The following ZWILCH variants were observed in gnomAD, a reference collection of about 807,000 sequenced individuals.
ZWILCH encodes zwilch kinetochore protein, also known as protein zwilch homolog.
Under a neutral mutation model 79.9 loss-of-function variants are expected in ZWILCH, and 74 were observed. The observed-to-expected ratio is 0.93, with a 90% confidence interval of 0.77 to 1.12. The LOEUF is 1.12. Among genes scored for constraint, ZWILCH ranks in the 50% most tolerant of loss-of-function variants. The pLI is 0.00. For missense variants in ZWILCH, 694 were observed against 687.5 expected, an observed-to-expected ratio of 1.01 and a Z score of -0.11; for synonymous variants, 241 against 228.2, an observed-to-expected ratio of 1.06 and a Z score of -0.51.
At chr15:66,521,620 T>C (rs1405962157) in intron 7 of ZWILCH, among the ~76,000 whole-genome samples, 1 of 152,078 alleles carries the variant, frequency 6.6e-6, no homozygotes, top group African/African-American at 2.4e-5. Context: ...CTCAGCCTCC[T>C]GAGTAGCTAG....
At chr15:66,535,521 T>C (rs1348457124) in intron 14 of ZWILCH, among the ~76,000 whole-genome samples, 2 of 151,872 alleles carry the variant, frequency 1.3e-5, no homozygotes, top group Non-Finnish European at 2.9e-5. Flanking sequence ...AATAAAAATA[T>C]GAAAATTAGC....
chr15:66,522,596 C>A (rs1894537660), intron 7 of ZWILCH, among the ~76,000 whole-genome samples: 1 of 151,918 alleles, frequency 6.6e-6, no homozygotes, highest in African/African-American at 2.4e-5. Flanking sequence ...GCATGAGCCA[C>A]CACACCTGGC....
At position 66,532,344 on chromosome 15, in the gene ZWILCH, A is replaced by G. The variant is rs1894880170; in HGVS notation, c.1253A>G (p.Gln418Arg). 6.2e-7 allele frequency: 1 copy of G among 1,612,312 alleles called. No homozygotes were observed. Among genetic ancestry groups the G allele is most frequent in the South Asian group, 1.1e-5 (1 of 90,810 alleles). The change falls in exon 13 of 19, where the codon CAA (glutamine) becomes CGA (arginine). Residue 418 changes from glutamine (Q) to arginine (R), a missense_variant. Transcript: ENST00000307897. ...TCTCTCAGTGGGACTATTCCAGTTC[A>G]AATGCTTTTGGAAATTGGTTTGGAC... Reference protein sequence around the residue: ...TVSLSGTIPVQMLLEIGLDKL... With the variant: ...TVSLSGTIPVRMLLEIGLDKL...
intron 1 of ZWILCH, among the ~76,000 whole-genome samples, chr15:66,507,591 A>G (rs980968756): frequency 6.6e-6 from 1 of 152,170 alleles, no homozygotes; most frequent in Non-Finnish European, 1.5e-5. Context: ...CTCTCTGAGC[A>G]CTTACCACCA....
intron 4 of ZWILCH, 67 bp from the exon 5 acceptor site, chr15:66,518,812 C>A: frequency 1.4e-6 from 2 of 1,467,248 alleles, no homozygotes; most frequent in Non-Finnish European, 1.9e-6. Context: ...CCCTGTCTCT[C>A]AGAAATTAAA....
rs189381637 is a variant in ZWILCH, at chr15:66,545,715, T to A, written c.1688-876T>A. Among the ~76,000 whole-genome samples, 253 of 152,362 alleles carry A rather than the reference T, an allele frequency of 1.7e-3. 2 individuals carry two copies. The highest frequency in any genetic ancestry group is 5.9e-3 in the African/African-American group (247 of 41,590). On this transcript the variant is annotated intron_variant, in intron 17 of 18. Transcript: ENST00000307897. ...TTTGTCTAGAAATTATTCAGTGTCT[T>A]TTATCCCCAAAGCAAGACCCATTTT...
At chr15:66,505,543 G>A in intron 1 of ZWILCH, 152 bp downstream of exon 1, 1 of 835,112 alleles carries the variant, frequency 1.2e-6, no homozygotes, top group Non-Finnish European at 1.9e-6. Flanking sequence ...CCGGTTCTCG[G>A]CTCCGGTGTG....
intron 8 of ZWILCH, among the ~76,000 whole-genome samples, chr15:66,526,141 C>A (rs1462698759): frequency 2.6e-5 from 4 of 152,134 alleles, no homozygotes; most frequent in Non-Finnish European, 5.9e-5. Context: ...TGTATTTTCT[C>A]TTTCCTAGGA....
chr15:66,521,346 A>G, intron 7 of ZWILCH, 141 bp downstream of exon 7: 1 of 923,808 alleles, frequency 1.1e-6, no homozygotes, highest in Non-Finnish European at 1.6e-6. Context: ...CCACCTTGCC[A>G]CTAACGTCTC....
At chr15:66,525,716 C>T (rs1041425213) in intron 8 of ZWILCH, among the ~76,000 whole-genome samples, 7 of 151,334 alleles carry the variant, frequency 4.6e-5, no homozygotes, top group Non-Finnish European at 7.4e-5. Flanking sequence ...CGCCTATGCT[C>T]CTAATCATTT....
chr15:66,518,941 T>A lies in ZWILCH; in HGVS notation c.383T>A (p.Leu128Gln), dbSNP rs746888973. The A allele has an allele frequency of 1.9e-6, 3 of 1,614,236 alleles. No individual in the cohort carries two copies. Among genetic ancestry groups the A allele is most frequent in the Non-Finnish European group, 2.5e-6 (3 of 1,180,030 alleles). Reference sequence around the variant, plus strand: ...AATATGACCCATTTGAAGATTAATCTGCCAGTTACTGCCCTTCCTCCCCTT... The same window carrying A: ...AATATGACCCATTTGAAGATTAATCAGCCAGTTACTGCCCTTCCTCCCCTT... The part of the protein sequence containing the change: ...NPNMTHLKIN[L>Q]PVTALPPLWV... Residue 128 changes from leucine to glutamine, a missense_variant, in exon 5 of 19, where the codon CTG becomes CAG. Leu to Gln is a moderately radical substitution (Grantham distance 113, BLOSUM62 -2). Coordinates refer to ENST00000307897, the MANE Select transcript of ZWILCH (RefSeq NM_017975.5).
At chr15:66,546,540 A>G (rs766327466) in intron 17 of ZWILCH, 51 bp from the exon 18 acceptor site, 1 of 1,289,336 alleles carries the variant, frequency 7.8e-7, no homozygotes, top group African/African-American at 1.5e-5. Flanking sequence ...TATACATGGT[A>G]GAAAAGCAGG....
intron 2 of ZWILCH, among the ~76,000 whole-genome samples, chr15:66,510,707 G>A (rs1894027160): frequency 1.3e-5 from 2 of 152,170 alleles, no homozygotes; most frequent in South Asian, 4.1e-4. Context: ...GTCAGCAAGT[G>A]CATGCTCTTC....
In ZWILCH at chr15:66,542,598, C is replaced by G. The variant is rs577862545; in HGVS notation, c.1687+2388C>G. On this transcript the variant is annotated intron_variant, in intron 17 of 18. Transcript: ENST00000307897. ...AGATTTCGTCTCAAAAAAAGAAATT[C>G]GCAACCCATGTTCAGAAAAGGGGAT... 2.0e-5 allele frequency among the ~76,000 whole-genome samples: 3 copies of G among 152,030 alleles called. No individual in the cohort carries two copies. In the East Asian group the frequency reaches 5.8e-4, roughly 29 times the overall value.
At chr15:66,537,972 T>C (rs1895067391) in intron 16 of ZWILCH, among the ~76,000 whole-genome samples, 1 of 152,032 alleles carries the variant, frequency 6.6e-6, no homozygotes, top group Non-Finnish European at 1.5e-5. Flanking sequence ...AGAAAGGAAA[T>C]GATGGATTAG....
intron 15 of ZWILCH, among the ~76,000 whole-genome samples, 170 bp from the exon 16 acceptor site, chr15:66,536,998 T>G (rs1338229568): frequency 1.3e-5 from 2 of 152,158 alleles, no homozygotes; most frequent in Non-Finnish European, 2.9e-5. Flanking sequence ...TAAGTTTTGT[T>G]TGTAGGGTTG....
chr15:66,519,139 A>T, intron 5 of ZWILCH, 61 bp downstream of exon 5: 1 of 1,542,380 alleles, frequency 6.5e-7, no homozygotes, highest in Non-Finnish European at 8.9e-7. Context: ...TTATTGTTTC[A>T]TGTTTTTTTA....
At chr15:66,513,176 C>T (rs1894131029) in intron 2 of ZWILCH, among the ~76,000 whole-genome samples, 1 of 152,158 alleles carries the variant, frequency 6.6e-6, no homozygotes, top group African/African-American at 2.4e-5. Flanking sequence ...AGTGATGTAT[C>T]CGCCTCGGCC....
chr15:66,513,042 G>A lies in ZWILCH; in HGVS notation c.106-946G>A, dbSNP rs568677395. Among the ~76,000 whole-genome samples the A allele has an allele frequency of 1.6e-4, 24 of 152,126 alleles. No individual in the cohort carries two copies. The South Asian group carries it at 3.5e-3, about 22-fold the overall frequency. On this transcript the variant is annotated intron_variant, in intron 2 of 18. Coordinates refer to ENST00000307897, the MANE Select transcript of ZWILCH (RefSeq NM_017975.5). ...ACTCCTAACCTCAAGCAGTCCACCC[G>A]CCTCAGCCTCCCAATGTGCTGGGAT...
Sources: allele counts gnomAD v4.1 joint callset (sites outside exome capture counted in the v4.1 genomes callset), GRCh38; gene constraint gnomAD v4.1.1; transcripts MANE v1.5; gene names NCBI Gene and HGNC (gene_info 2026-07-23, HGNC 2026-07-21).